Variants in SH2B2 observed in about 807,000 individuals in gnomAD.
SH2B2 encodes the protein SH2B adapter protein 2.
A neutral mutation model predicts 35.7 loss-of-function variants in SH2B2; 37 were observed. The observed-to-expected ratio is 1.04, with a 90% confidence interval of 0.80 to 1.36. SH2B2 has a LOEUF of 1.36. SH2B2 is among the 40% of genes most tolerant of loss of function. The pLI, the probability that SH2B2 is intolerant of heterozygous loss-of-function variation, is 0.00. For synonymous variants in SH2B2, 383 were observed against 376.4 expected, an observed-to-expected ratio of 1.02 and a Z score of -0.20; for missense variants, 852 against 817.7, an observed-to-expected ratio of 1.04 and a Z score of -0.51.
intron 2 of SH2B2, 106 bp downstream of exon 2, chr7:102,301,385 G>A (rs964106055): frequency 2.3e-6 from 3 of 1,311,138 alleles, no homozygotes; most frequent in Non-Finnish European, 3.0e-6. Context: ...GGTCTAATCT[G>A]GTTGACAGGG....
chr7:102,317,507 G>A (rs782044933), intron 7 of SH2B2, 112 bp downstream of exon 7: 63 of 1,028,754 alleles, frequency 6.1e-5, no homozygotes, highest in Non-Finnish European at 7.4e-5. Flanking sequence ...GCGAACAGGT[G>A]TGGCATGACT....
chr7:102,289,954 C>G (rs1178349261), intron 1 of SH2B2, among the ~76,000 whole-genome samples: 1 of 152,146 alleles, frequency 6.6e-6, no homozygotes, highest in African/African-American at 2.4e-5. Context: ...CTGTCCAGCA[C>G]TGGGTGCTCC....
intron 6 of SH2B2, among the ~76,000 whole-genome samples, chr7:102,314,956 A>G (rs1260846171): frequency 6.6e-6 from 1 of 151,830 alleles, no homozygotes; most frequent in Non-Finnish European, 1.5e-5. Flanking sequence ...TGGGAAGCCA[A>G]GGCGGGCGGA....
intron 1 of SH2B2, among the ~76,000 whole-genome samples, chr7:102,298,776 T>A (rs1026317822): frequency 2.0e-5 from 3 of 152,078 alleles, no homozygotes; most frequent in Admixed American, 6.5e-5. Context: ...CCATGTTGCC[T>A]AGGCTAGTCT....
Position 102,306,746 on chromosome 7 carries a change from C to CACT in SH2B2, c.756_758dup (p.Leu253dup). ...GCCTCCAGGCCCAAGGTCAGCATCCCACTGTCAGCCATCATTGAGGTCCGC... is the reference window on the plus strand; with the variant it reads ...GCCTCCAGGCCCAAGGTCAGCATCCCACTACTGTCAGCCATCATTGAGGTCCGC... On this transcript the variant is annotated inframe_insertion, in exon 3 of 9. Transcript: ENST00000444095. 1 of 1,599,246 alleles carries CACT rather than the reference C, an allele frequency of 6.3e-7. No individual in the cohort carries two copies. Among genetic ancestry groups the CACT allele is most frequent in the Non-Finnish European group, 8.5e-7 (1 of 1,173,256 alleles).
chr7:102,315,645 G>T (rs548333592), intron 6 of SH2B2, among the ~76,000 whole-genome samples: 1 of 151,126 alleles, frequency 6.6e-6, no homozygotes, highest in African/African-American at 2.4e-5. Context: ...GGGAGGCCGA[G>T]GTGGGAGGAT....
chr7:102,289,672 C>T (rs1415859108), intron 1 of SH2B2, among the ~76,000 whole-genome samples: 2 of 151,934 alleles, frequency 1.3e-5, no homozygotes, highest in Non-Finnish European at 2.9e-5. Flanking sequence ...GTATGAGTGT[C>T]CTGGAAAAGC....
At chr7:102,290,390 G>A (rs1225783568) in intron 1 of SH2B2, among the ~76,000 whole-genome samples, 1 of 151,970 alleles carries the variant, frequency 6.6e-6, no homozygotes, top group Non-Finnish European at 1.5e-5. Flanking sequence ...TCAGCCTTCT[G>A]AGTAGCTGGG....
At chr7:102,287,881 A>G (rs1045971341) in intron 1 of SH2B2, among the ~76,000 whole-genome samples, 5 of 152,284 alleles carry the variant, frequency 3.3e-5, no homozygotes, top group Admixed American at 2.0e-4. Context: ...GGAGCCACGC[A>G]AGGCAGACCG....
chr7:102,300,336 G>A (rs1554553276), intron 1 of SH2B2, among the ~76,000 whole-genome samples, 186 bp from the exon 2 acceptor site: 1 of 152,116 alleles, frequency 6.6e-6, no homozygotes, highest in African/African-American at 2.4e-5. Context: ...GGCCCCAGTT[G>A]TCTTTCTCTT....
chr7:102,296,230 G>A (rs1554552491), intron 1 of SH2B2, among the ~76,000 whole-genome samples: 2 of 152,198 alleles, frequency 1.3e-5, no homozygotes, highest in African/African-American at 4.8e-5. Context: ...CAGAGGCCTC[G>A]CAGATGATCT....
At position 102,318,488 on chromosome 7, in the gene SH2B2, T is replaced by TG. The variant is rs200150034; in HGVS notation, c.1395+1100dup. On this transcript the variant is annotated intron_variant, in intron 7 of 8. Coordinates refer to ENST00000444095, the MANE Select transcript of SH2B2 (RefSeq NM_001359228.2). The stretch of plus-strand genomic sequence containing the variant: ...ATTTGACAGCAAAGGCAAATGATTA[T>TG]GGGGGGGTGCAATGTGGCCAGAGGG... 4.1e-3 allele frequency among the ~76,000 whole-genome samples: 623 copies of TG among 152,204 alleles called. 7 individuals are homozygous for TG. The highest frequency in any genetic ancestry group is 0.014 in the African/African-American group (576 of 41,538).
chr7:102,294,049 G>C (rs1792806180), intron 1 of SH2B2, among the ~76,000 whole-genome samples: 2 of 152,134 alleles, frequency 1.3e-5, no homozygotes, highest in South Asian at 4.2e-4. Context: ...TTGGTTTTTT[G>C]AGACAGAGTC....
At chr7:102,321,260 C>T in intron 8 of SH2B2, 39 bp from the exon 9 acceptor site, 1 of 1,333,400 alleles carries the variant, frequency 7.5e-7, no homozygotes, top group Non-Finnish European at 9.6e-7. Context: ...TGTGGCCAGC[C>T]CAGGTCCCCA....
chr7:102,321,471 C>T lies in SH2B2; in HGVS notation c.1740C>T (p.Pro580=). Residue 580 remains proline (P), a synonymous_variant, in exon 9 of 9, where the codon CCC becomes CCT. Coordinates refer to ENST00000444095, the MANE Select transcript of SH2B2 (RefSeq NM_001359228.2). ...CGTCGTCCTCTGCCGCGTCGGGGCC[C>T]GCCCCCCCGCGCCCCGTCGAGGGCC... ...SASSSSAASG[P]APPRPVEGQL... is the part of the protein sequence containing the mutation. The T allele has an allele frequency of 1.7e-6, 2 of 1,187,472 alleles. No individual in the cohort carries two copies. The highest frequency in any genetic ancestry group is 1.6e-5 in the African/African-American group (1 of 61,782). The allele number at this position is 1,187,472 out of a possible 1,614,324, so 73.6% of individuals were successfully genotyped here. A position where few individuals can be genotyped will look rare whatever the true frequency, so the allele number is the denominator to read the frequency against.
upstream of SH2B2, chr7:102,285,270 G>T (rs1013575916): frequency 6.5e-7 from 1 of 1,539,408 alleles, no homozygotes; most frequent in East Asian, 2.4e-5. Context: ...TTAGTCCACC[G>T]CGGGTCAGGC....
intron 6 of SH2B2, 197 bp from the exon 7 acceptor site, chr7:102,316,990 C>A: frequency 3.8e-6 from 2 of 527,182 alleles, no homozygotes; most frequent in South Asian, 5.3e-5. Context: ...GCATTGCACT[C>A]CAGCCTGGGC....
Position 102,320,381 on chromosome 7 carries a change from G to A in SH2B2, c.1446G>A (p.Leu482=), listed in dbSNP as rs782540484. The A allele has an allele frequency of 6.2e-7, 1 of 1,613,312 alleles. No homozygotes were observed. The change falls in exon 8 of 9, where the codon CTG becomes CTA. Residue 482 remains leucine, a synonymous_variant. Coordinates refer to ENST00000444095, the MANE Select transcript of SH2B2 (RefSeq NM_001359228.2). ...ACGGCCAGTGTCACGTACAGCATCT[G>A]TGGTTCCAGTCTGTGCTTGACATGC... The part of the protein sequence containing the change: ...NGHGQCHVQH[L]WFQSVLDMLR...
At position 102,300,556 on chromosome 7, in the gene SH2B2, T is replaced by C; in HGVS notation, c.6T>C (p.Asn2=). M[N]GAGPGPAAAA... ...GCTGCGATGGGACGGAAGCCATGAA[T>C]GGTGCCGGCCCTGGCCCCGCCGCAG... The change falls in exon 2 of 9, where the codon AAT becomes AAC. Residue 2 remains asparagine (N), a synonymous_variant. Coordinates refer to ENST00000444095, the MANE Select transcript of SH2B2 (RefSeq NM_001359228.2). The C allele has an allele frequency of 1.3e-6, 2 of 1,545,096 alleles. No homozygotes were observed. Among genetic ancestry groups the C allele is most frequent in the Non-Finnish European group, 8.7e-7 (1 of 1,145,856 alleles).
Sources: gnomAD v4.1 joint callset for allele counts (sites outside exome capture counted in the v4.1 genomes callset) on GRCh38, gnomAD v4.1.1 for gene constraint, MANE v1.5 for transcripts, NCBI Gene and HGNC (gene_info 2026-07-23, HGNC 2026-07-21) for gene names.